Variants in CPNE8 observed in about 807,000 individuals in gnomAD.
CPNE8 encodes the protein copine 8.
CPNE8 carries 45 observed loss-of-function variants against 81.5 expected under a neutral mutation model. The ratio of observed to expected loss-of-function variants is 0.55; its 90% confidence interval spans 0.44 to 0.71. The LOEUF (loss-of-function observed/expected upper bound fraction) is 0.71. Ranked by LOEUF, CPNE8 falls within the 30% of genes least tolerant of loss-of-function variation. CPNE8 has a pLI of 0.00. For missense variants in CPNE8, 594 were observed against 672.1 expected, an observed-to-expected ratio of 0.88 and a Z score of 1.28; for synonymous variants, 252 against 226.3, an observed-to-expected ratio of 1.11 and a Z score of -1.02.
At chr12:38,710,268 C>CAAAAAAAA (rs57376063) in intron 13 of CPNE8, among the ~76,000 whole-genome samples, 2,135 of 50,070 alleles carry the variant, frequency 0.043, 149 homozygotes, top group East Asian at 0.13. Context: ...AATAAGCTAA[C>CAAAAAAAA]AAAAAAAAAA....
At chr12:38,743,928 T>C (rs1941167670) in intron 10 of CPNE8, among the ~76,000 whole-genome samples, 1 of 152,194 alleles carries the variant, frequency 6.6e-6, no homozygotes, top group South Asian at 2.1e-4. Context: ...ACACTACATG[T>C]CTTTGTTTCT....
chr12:38,891,438 T>C (rs1047055202), intron 1 of CPNE8, among the ~76,000 whole-genome samples: 8 of 151,748 alleles, frequency 5.3e-5, no homozygotes, highest in African/African-American at 1.9e-4. Flanking sequence ...TCTCACTAAG[T>C]GTATAAACTA....
intron 16 of CPNE8, 76 bp from the exon 17 acceptor site, chr12:38,677,630 G>A (rs1473997711): frequency 2.5e-6 from 2 of 794,598 alleles, no homozygotes; most frequent in Non-Finnish European, 4.3e-6. Context: ...ATTTGGAATA[G>A]TTAACAAACA....
intron 10 of CPNE8, among the ~76,000 whole-genome samples, chr12:38,733,573 A>ATTC (rs141978377): frequency 0.017 from 2,627 of 152,086 alleles, 142 homozygotes; most frequent in East Asian, 0.13. Flanking sequence ...TAAAATAATT[A>ATTC]TTCTATGTTA....
At chr12:38,710,970 T>C (rs1188754130) in intron 13 of CPNE8, among the ~76,000 whole-genome samples, 1 of 152,170 alleles carries the variant, frequency 6.6e-6, no homozygotes, top group African/African-American at 2.4e-5. Flanking sequence ...CCCCCAACCT[T>C]TTAATTGCCC....
At chr12:38,906,587 G>T, upstream of CPNE8, 1 of 985,582 alleles carries the variant, frequency 1.0e-6, no homozygotes, top group Non-Finnish European at 1.2e-6. Flanking sequence ...ACTGAGACCT[G>T]ACGGATAAAA....
At chr12:38,775,046 TATC>T (rs1941898473) in intron 7 of CPNE8, among the ~76,000 whole-genome samples, 1 of 152,198 alleles carries the variant, frequency 6.6e-6, no homozygotes, top group Non-Finnish European at 1.5e-5. Flanking sequence ...TTGCTGACAA[TATC>T]ATATGATTCC....
At chr12:38,891,390 C>A (rs1468330654) in intron 1 of CPNE8, among the ~76,000 whole-genome samples, 1 of 151,800 alleles carries the variant, frequency 6.6e-6, no homozygotes, top group Admixed American at 6.6e-5. Flanking sequence ...ATAATTATAT[C>A]TTTACTGAAT....
chr12:38,663,438 A>G (rs1006295297), intron 19 of CPNE8, among the ~76,000 whole-genome samples: 1 of 152,154 alleles, frequency 6.6e-6, no homozygotes, highest in Non-Finnish European at 1.5e-5. Flanking sequence ...AGAAATGCAA[A>G]TCAAAACCAC....
At chr12:38,801,069 T>C (rs1179858836) in intron 6 of CPNE8, among the ~76,000 whole-genome samples, 1 of 145,110 alleles carries the variant, frequency 6.9e-6, no homozygotes, top group South Asian at 2.3e-4. Context: ...TGGAACCAAG[T>C]TGGAAAACAC....
At chr12:38,849,856 C>G (rs2137059534) in intron 3 of CPNE8, among the ~76,000 whole-genome samples, 1 of 152,316 alleles carries the variant, frequency 6.6e-6, no homozygotes, top group African/African-American at 2.4e-5. Context: ...AAGCACTTTT[C>G]ACACATTACT....
At chr12:38,782,779 C>G (rs1459286830) in intron 6 of CPNE8, among the ~76,000 whole-genome samples, 1 of 151,912 alleles carries the variant, frequency 6.6e-6, no homozygotes, top group Non-Finnish European at 1.5e-5. Context: ...TTCCTGGACT[C>G]AAGCAATCTT....
chr12:38,658,644 A>G (rs1938881455), intron 19 of CPNE8, among the ~76,000 whole-genome samples: 1 of 152,230 alleles, frequency 6.6e-6, no homozygotes, highest in Non-Finnish European at 1.5e-5. Context: ...AAGGGCAGCC[A>G]GAGAGAAAGG....
chr12:38,823,031 A>T (rs1365195280), intron 6 of CPNE8, among the ~76,000 whole-genome samples: 1 of 152,104 alleles, frequency 6.6e-6, no homozygotes, highest in Non-Finnish European at 1.5e-5. Flanking sequence ...TCCCACTTTT[A>T]TGACTATGCA....
At chr12:38,756,079 A>C (rs1204092615) in intron 10 of CPNE8, among the ~76,000 whole-genome samples, 3 of 149,622 alleles carry the variant, frequency 2.0e-5, no homozygotes, top group Admixed American at 1.3e-4. Flanking sequence ...TATTTCTTCT[A>C]TTCTACATTA....
At chr12:38,853,245 G>C (rs1043026230) in intron 3 of CPNE8, among the ~76,000 whole-genome samples, 1 of 152,076 alleles carries the variant, frequency 6.6e-6, no homozygotes, top group African/African-American at 2.4e-5. Flanking sequence ...AAAATGTGCA[G>C]TGCATATCAT....
intron 10 of CPNE8, among the ~76,000 whole-genome samples, chr12:38,745,920 G>A (rs994140870): frequency 6.6e-6 from 1 of 152,100 alleles, no homozygotes; most frequent in African/African-American, 2.4e-5. Flanking sequence ...GACCTGGAGA[G>A]TTTTTTCAAA....
At chr12:38,752,220 T>C (rs1354140674) in intron 10 of CPNE8, among the ~76,000 whole-genome samples, 1 of 152,206 alleles carries the variant, frequency 6.6e-6, no homozygotes, top group Non-Finnish European at 1.5e-5. Context: ...TGATTGGATT[T>C]AGTGGATGAC....
intron 16 of CPNE8, among the ~76,000 whole-genome samples, chr12:38,680,477 C>T (rs951558854): frequency 6.6e-6 from 1 of 151,974 alleles, no homozygotes; most frequent in Non-Finnish European, 1.5e-5. Flanking sequence ...AGATAGGTAG[C>T]TTTGTTGCAT....
Sources: allele counts gnomAD v4.1 joint callset (sites outside exome capture counted in the v4.1 genomes callset), GRCh38; gene constraint gnomAD v4.1.1; transcripts MANE v1.5; gene names NCBI Gene and HGNC (gene_info 2026-07-23, HGNC 2026-07-21).